PRKG1: variants seen among roughly 807,000 people sequenced by gnomAD.
PRKG1 encodes the protein protein kinase cGMP-dependent 1.
Under a neutral mutation model 88.1 loss-of-function variants are expected in PRKG1, and 35 were observed. The ratio of observed to expected loss-of-function variants is 0.40; its 90% CI spans 0.30 to 0.53. The LOEUF is 0.53. Ranked by LOEUF, PRKG1 falls within the 20% of genes least tolerant of loss-of-function variation. The pLI is 0.59. For missense variants in PRKG1, 540 were observed against 839.8 expected, an observed-to-expected ratio of 0.64 and a Z score of 4.41; for synonymous variants, 303 against 292.5, an observed-to-expected ratio of 1.04 and a Z score of -0.37.
chr10:52,113,827 T>C (rs1373905821), intron 7 of PRKG1, among the ~76,000 whole-genome samples: 1 of 152,142 alleles, frequency 6.6e-6, no homozygotes, highest in Non-Finnish European at 1.5e-5. Context: ...ATCTATCAAA[T>C]GGTATGATGT....
intron 2 of PRKG1, among the ~76,000 whole-genome samples, chr10:51,169,196 A>G (rs1026796253): frequency 1.3e-5 from 2 of 152,158 alleles, no homozygotes; most frequent in Admixed American, 1.3e-4. Flanking sequence ...TCTCAGTACA[A>G]TAACTTCTCT....
intron 3 of PRKG1, among the ~76,000 whole-genome samples, chr10:51,749,729 T>C (rs906610650): frequency 5.3e-5 from 8 of 152,136 alleles, no homozygotes; most frequent in Non-Finnish European, 1.2e-4. Context: ...TCTCAATACA[T>C]TTTTCCCAAC....
intron 3 of PRKG1, among the ~76,000 whole-genome samples, chr10:51,776,748 C>T (rs1234498202): frequency 6.6e-6 from 1 of 152,092 alleles, no homozygotes; most frequent in Admixed American, 6.6e-5. Flanking sequence ...ATTGCTTGAA[C>T]CCAGAGGTGC....
At chr10:52,168,444 AC>A (rs2132703654) in intron 9 of PRKG1, among the ~76,000 whole-genome samples, 1 of 152,320 alleles carries the variant, frequency 6.6e-6, no homozygotes, top group East Asian at 1.9e-4. Flanking sequence ...TATGCCTGAG[AC>A]CTAGAACAAA....
chr10:51,680,287 T>TAAAA (rs142604843), intron 3 of PRKG1, among the ~76,000 whole-genome samples: 6 of 144,882 alleles, frequency 4.1e-5, no homozygotes, highest in African/African-American at 1.5e-4. Context: ...TAAAGTATAA[T>TAAAA]AAAAAAAAAA....
chr10:51,019,961 T>G (rs1334996059), intron 1 of PRKG1, among the ~76,000 whole-genome samples: 1 of 151,844 alleles, frequency 6.6e-6, no homozygotes, highest in East Asian at 1.9e-4. Context: ...TTCACACCCA[T>G]TAAAATGGCT....
At chr10:51,518,673 A>C (rs1841658566) in intron 3 of PRKG1, among the ~76,000 whole-genome samples, 1 of 152,206 alleles carries the variant, frequency 6.6e-6, no homozygotes, top group Non-Finnish European at 1.5e-5. Context: ...TAAAATGCAG[A>C]AGAGGAAATA....
chr10:51,849,707 G>A (rs1297070516), intron 4 of PRKG1, among the ~76,000 whole-genome samples: 1 of 151,842 alleles, frequency 6.6e-6, no homozygotes, highest in Non-Finnish European at 1.5e-5. Context: ...CATGATTATT[G>A]TCATACTTTT....
intron 4 of PRKG1, among the ~76,000 whole-genome samples, chr10:51,835,366 C>T (rs1840106623): frequency 6.6e-6 from 1 of 152,178 alleles, no homozygotes; most frequent in South Asian, 2.1e-4. Flanking sequence ...AAGAGCACAT[C>T]TCTGAAGGGA....
intron 4 of PRKG1, among the ~76,000 whole-genome samples, chr10:51,839,806 G>A (rs533592556): frequency 2.8e-4 from 43 of 152,146 alleles, no homozygotes; most frequent in Non-Finnish European, 5.1e-4. Context: ...GTCCCATGAG[G>A]GCTGCCCCAA....
In PRKG1 at chr10:52,064,328, C is replaced by T. The variant is rs532596129; in HGVS notation, c.935+1697C>T. Among the ~76,000 whole-genome samples, 3 of 152,344 alleles carry T rather than the reference C, an allele frequency of 2.0e-5. No homozygotes were observed. In the South Asian group the frequency reaches 6.2e-4, roughly 32 times the overall value. On this transcript the variant is annotated intron_variant, in intron 7 of 17. Coordinates refer to ENST00000373980, the MANE Select transcript of PRKG1 (RefSeq NM_006258.4). ...TGGCCGGACTGTGACAGTGCCTGGG[C>T]TCAGTCCCAACTTTCCTCCAAAATC...
chr10:51,308,283 TG>T (rs1841090500), intron 2 of PRKG1, among the ~76,000 whole-genome samples: 1 of 152,216 alleles, frequency 6.6e-6, no homozygotes, highest in African/African-American at 2.4e-5. Flanking sequence ...GTTGACTTTT[TG>T]CTTAGCTAGA....
intron 1 of PRKG1, among the ~76,000 whole-genome samples, chr10:51,001,321 G>T (rs545275182): frequency 6.6e-6 from 1 of 152,152 alleles, no homozygotes; most frequent in Non-Finnish European, 1.5e-5. Context: ...GATGCCTGTG[G>T]CTGTGAAGAG....
Position 51,842,549 on chromosome 10 carries a change from T to C in PRKG1, c.698+37859T>C, listed in dbSNP as rs73331376. ...TCAGCAAACATGTTTAGTGACAATG[T>C]GTTACCTGTTACTTCTCTATGCTAT... On this transcript the variant is annotated intron_variant, in intron 4 of 17. Coordinates refer to ENST00000373980, the MANE Select transcript of PRKG1 (RefSeq NM_006258.4). 3.4e-3 allele frequency among the ~76,000 whole-genome samples: 525 copies of C among 152,322 alleles called. 5 individuals carry two copies. The highest frequency in any genetic ancestry group is 0.012 in the African/African-American group (507 of 41,568).
intron 11 of PRKG1, among the ~76,000 whole-genome samples, chr10:52,271,951 T>C (rs1325287658): frequency 6.6e-6 from 1 of 152,086 alleles, no homozygotes; most frequent in Non-Finnish European, 1.5e-5. Context: ...TAGTGAATTT[T>C]CCAGTGGCAT....
chr10:51,470,548 A>C (rs117043443), intron 3 of PRKG1, among the ~76,000 whole-genome samples: 1 of 151,802 alleles, frequency 6.6e-6, no homozygotes. Context: ...ATCTTAATGC[A>C]TTTTTATTTT....
upstream of PRKG1, among the ~76,000 whole-genome samples, chr10:51,069,635 C>T (rs1323827320): frequency 6.6e-6 from 1 of 152,004 alleles, no homozygotes; most frequent in Non-Finnish European, 1.5e-5. Flanking sequence ...AACATATTAA[C>T]ACAAAGTAAT....
chr10:51,386,884 T>A (rs1308343689), intron 2 of PRKG1, among the ~76,000 whole-genome samples: 3 of 152,192 alleles, frequency 2.0e-5, no homozygotes, highest in Non-Finnish European at 4.4e-5. Flanking sequence ...TTCATGTTCA[T>A]TGCTTATCAA....
At chr10:51,280,540 C>A (rs1463015471) in intron 2 of PRKG1, among the ~76,000 whole-genome samples, 2 of 152,208 alleles carry the variant, frequency 1.3e-5, no homozygotes, top group Non-Finnish European at 2.9e-5. Context: ...TTCACATAGT[C>A]CCATATTTCT....
Sources: allele counts gnomAD v4.1 joint callset (sites outside exome capture counted in the v4.1 genomes callset), GRCh38; gene constraint gnomAD v4.1.1; transcripts MANE v1.5; gene names NCBI Gene and HGNC (gene_info 2026-07-23, HGNC 2026-07-21).